Variants in TNIK observed in about 807,000 individuals in gnomAD.
The protein encoded by TNIK is TRAF2 and NCK interacting kinase.
A neutral mutation model predicts 191.3 loss-of-function variants in TNIK; 49 were observed. The observed-to-expected ratio is 0.26, with a 90% CI of 0.20 to 0.32. TNIK has a LOEUF of 0.32. Among genes scored for constraint, TNIK ranks in the 10% least tolerant of loss-of-function variants. The pLI is 1.00. For missense variants in TNIK, 1,155 were observed against 1,702.3 expected, an observed-to-expected ratio of 0.68 and a Z score of 5.66; for synonymous variants, 594 against 600.9, an observed-to-expected ratio of 0.99 and a Z score of 0.17.
intron 2 of TNIK, among the ~76,000 whole-genome samples, chr3:171,231,618 C>T (rs1265739587): frequency 6.6e-6 from 1 of 152,138 alleles, no homozygotes; most frequent in Non-Finnish European, 1.5e-5. Context: ...AAGGAACTTG[C>T]CCAGCATGAG....
chr3:171,173,529 G>A (rs1020519036), intron 9 of TNIK, among the ~76,000 whole-genome samples: 11 of 152,218 alleles, frequency 7.2e-5, no homozygotes, highest in Admixed American at 2.0e-4. Flanking sequence ...GGGAGCAGCA[G>A]CTAGCATCTT....
In TNIK at chr3:171,211,140, T is replaced by C. The variant is rs373014252; in HGVS notation, c.282A>G (p.Pro94=). Residue 94 remains proline, a synonymous_variant, in exon 4 of 33, where the codon CCA becomes CCG. Coordinates refer to ENST00000436636, the MANE Select transcript of TNIK (RefSeq NM_015028.4). ...TYYGAFIKKN[P]PGMDDQLWLV... The stretch of plus-strand genomic sequence containing the variant: ...CCCAAAGTTGGTCATCCATGCCTGG[T>C]GGGTTCTTTTTGATAAAAGCACCAT... 1.9e-6 allele frequency: 3 copies of C among 1,612,880 alleles called. No homozygotes were observed. In the African/African-American group the frequency reaches 4.0e-5, roughly 22 times the overall value.
intron 2 of TNIK, among the ~76,000 whole-genome samples, chr3:171,312,510 C>T (rs1754150022): frequency 6.6e-6 from 1 of 151,976 alleles, no homozygotes. Context: ...CCCACACAAA[C>T]CACTTTGGAT....
chr3:171,361,842 C>T (rs1011374745), intron 2 of TNIK, among the ~76,000 whole-genome samples: 56 of 152,108 alleles, frequency 3.7e-4, no homozygotes, highest in African/African-American at 1.3e-3. Context: ...TTCAACCTCA[C>T]GATAGCTTCA....
intron 10 of TNIK, among the ~76,000 whole-genome samples, chr3:171,161,588 A>T (rs1011970262): frequency 2.0e-5 from 3 of 152,174 alleles, no homozygotes; most frequent in Non-Finnish European, 4.4e-5. Context: ...TTAAAAAATA[A>T]TTTTTTAATT....
chr3:171,233,555 G>A (rs1161720984), intron 2 of TNIK, among the ~76,000 whole-genome samples: 2 of 152,114 alleles, frequency 1.3e-5, no homozygotes, highest in African/African-American at 4.8e-5. Flanking sequence ...GTCCCTCTCT[G>A]GGAATGGCCC....
intron 2 of TNIK, among the ~76,000 whole-genome samples, chr3:171,327,933 C>CAAAAAAAAAAAAAAA (rs1577493797): frequency 2.4e-5 from 2 of 84,910 alleles, no homozygotes; most frequent in Non-Finnish European, 5.2e-5. Context: ...AAAAAAAAAT[C>CAAAAAAAAAAAAAAA]ACTTGTTTGG....
intron 1 of TNIK, among the ~76,000 whole-genome samples, chr3:171,446,024 G>A (rs1053767169): frequency 3.3e-5 from 5 of 152,142 alleles, no homozygotes; most frequent in Non-Finnish European, 7.3e-5. Flanking sequence ...GTCATCGAGT[G>A]CAGATATGAT....
chr3:171,200,745 T>C (rs1279265561), intron 4 of TNIK, among the ~76,000 whole-genome samples: 5 of 152,224 alleles, frequency 3.3e-5, no homozygotes. Flanking sequence ...TAATAACCTC[T>C]AAAAGAATTT....
intron 14 of TNIK, 69 bp from the exon 15 acceptor site, chr3:171,138,448 A>G (rs1167197203): frequency 7.1e-7 from 1 of 1,400,652 alleles, no homozygotes; most frequent in Non-Finnish European, 9.4e-7. Context: ...GGCCAGTACC[A>G]GATAAGCATG....
chr3:171,454,408 A>G (rs978751989), intron 1 of TNIK, among the ~76,000 whole-genome samples: 9 of 152,252 alleles, frequency 5.9e-5, no homozygotes, highest in Non-Finnish European at 1.5e-5. Context: ...GGGGGAAAAA[A>G]GGAATATTTC....
At chr3:171,414,937 T>C (rs771094092) in intron 1 of TNIK, among the ~76,000 whole-genome samples, 7 of 152,144 alleles carry the variant, frequency 4.6e-5, no homozygotes, top group Non-Finnish European at 8.8e-5. Context: ...AGAGTAGGAG[T>C]ACACAGCATC....
chr3:171,269,611 G>A (rs999237328), intron 2 of TNIK, among the ~76,000 whole-genome samples: 18 of 152,146 alleles, frequency 1.2e-4, no homozygotes, highest in African/African-American at 4.3e-4. Flanking sequence ...TCAGCTTTTT[G>A]TTGCTGTTGT....
At chr3:171,278,336 G>A (rs1457352073) in intron 2 of TNIK, among the ~76,000 whole-genome samples, 3 of 152,084 alleles carry the variant, frequency 2.0e-5, no homozygotes, top group Admixed American at 2.0e-4. Context: ...GCCTTTACAT[G>A]CTCACATAAC....
chr3:171,230,587 T>C (rs1577189511), intron 2 of TNIK, among the ~76,000 whole-genome samples: 3 of 152,252 alleles, frequency 2.0e-5, no homozygotes, highest in Admixed American at 2.0e-4. Context: ...TGTTTGCGCT[T>C]CTGTAAATGT....
At chr3:171,415,618 T>C (rs942333329) in intron 1 of TNIK, among the ~76,000 whole-genome samples, 4 of 151,958 alleles carry the variant, frequency 2.6e-5, no homozygotes, top group African/African-American at 9.7e-5. Context: ...ACCCCTAGGA[T>C]TGGAACAGCC....
intron 15 of TNIK, among the ~76,000 whole-genome samples, chr3:171,137,968 CAA>C (rs58897378): frequency 0.027 from 3,233 of 119,532 alleles, 64 homozygotes; most frequent in African/African-American, 0.052. Context: ...CAAAGATATA[CAA>C]AAAAAAAAAA....
intron 2 of TNIK, among the ~76,000 whole-genome samples, chr3:171,325,075 T>C (rs112144774): frequency 0.028 from 4,318 of 152,110 alleles, 208 homozygotes; most frequent in African/African-American, 0.098. Context: ...CACTTCAGCC[T>C]GGGCAACAGA....
chr3:171,123,846 A>G (rs1728110063), intron 17 of TNIK, 144 bp from the exon 18 acceptor site: 1 of 539,270 alleles, frequency 1.9e-6, no homozygotes, highest in African/African-American at 1.9e-5. Context: ...CATTCCTCGA[A>G]GAAATATTAA....
Sources: allele counts gnomAD v4.1 joint callset (sites outside exome capture counted in the v4.1 genomes callset), GRCh38; gene constraint gnomAD v4.1.1; transcripts MANE v1.5; gene names NCBI Gene and HGNC (gene_info 2026-07-23, HGNC 2026-07-21).